PRDM5: variants seen among roughly 807,000 people sequenced by gnomAD.
PRDM5 encodes the protein PR/SET domain 5.
In PRDM5, 56 loss-of-function variants were observed where a neutral mutation model predicts 81.2. The ratio of observed to expected loss-of-function variants is 0.69; its 90% confidence interval spans 0.56 to 0.86. PRDM5 has a LOEUF of 0.86. PRDM5 is among the 40% of genes least tolerant of loss of function. The probability of loss-of-function intolerance (pLI) is 0.00; values close to 1 mark genes in which losing one functional copy is unlikely to be tolerated. For missense variants in PRDM5, 697 were observed against 770.1 expected (o/e 0.91, Z 1.12); for synonymous variants, 267 against 256.4 (o/e 1.04, Z -0.39).
chr4:120,799,115 TAATC>T lies in PRDM5; in HGVS notation c.1030+542_1030+545del, dbSNP rs151132909. On this transcript the variant is annotated intron_variant, in intron 9 of 15. Transcript: ENST00000264808. The stretch of plus-strand genomic sequence containing the variant: ...AAACTATTTTCAGAGCTTATTTTTT[TAATC>T]TGCATTAGTAAAACAGAGCTATTCA... Among the ~76,000 whole-genome samples, 550 of 152,320 alleles carry T rather than the reference TAATC, an allele frequency of 3.6e-3. 2 individuals are homozygous for T. The highest frequency in any genetic ancestry group is 0.013 in the African/African-American group (527 of 41,578).
intron 8 of PRDM5, among the ~76,000 whole-genome samples, chr4:120,804,464 A>G (rs1300780444): frequency 3.3e-5 from 5 of 152,230 alleles, no homozygotes; most frequent in Non-Finnish European, 7.3e-5. Flanking sequence ...AGCACTCCTC[A>G]GCAAATGTAA....
intron 14 of PRDM5, among the ~76,000 whole-genome samples, chr4:120,743,281 A>C (rs1242600012): frequency 6.6e-6 from 1 of 151,496 alleles, no homozygotes. Context: ...TGAAGGAAGC[A>C]CTAAACAAGG....
chr4:120,848,900 T>C (rs1758949026), intron 3 of PRDM5, among the ~76,000 whole-genome samples: 1 of 152,152 alleles, frequency 6.6e-6, no homozygotes, highest in Admixed American at 6.5e-5. Flanking sequence ...AAAAGATAGA[T>C]CTGTAAGTTA....
intron 1 of PRDM5, among the ~76,000 whole-genome samples, chr4:120,911,897 T>C (rs1341467331): frequency 6.6e-6 from 1 of 152,172 alleles, no homozygotes; most frequent in Non-Finnish European, 1.5e-5. Context: ...TAGAGGATAA[T>C]AAGTTATTAT....
At chr4:120,905,535 T>C (rs1765701541) in intron 2 of PRDM5, among the ~76,000 whole-genome samples, 1 of 152,148 alleles carries the variant, frequency 6.6e-6, no homozygotes, top group Non-Finnish European at 1.5e-5. Context: ...ATCCATTTAG[T>C]CACAGCCCTT....
chr4:120,689,600 CTTTT>C (rs68162390), downstream of PRDM5, among the ~76,000 whole-genome samples: 1 of 143,978 alleles, frequency 6.9e-6, no homozygotes. Context: ...TTTCAAAATT[CTTTT>C]TTTTTTTTTT....
chr4:120,699,161 A>AATAT (rs70948358), intron 15 of PRDM5, among the ~76,000 whole-genome samples: 1,054 of 72,982 alleles, frequency 0.014, 13 homozygotes, highest in African/African-American at 0.032. Context: ...AGGAAATATA[A>AATAT]ATATATATAT....
chr4:120,863,191 TAC>T (rs370387683), intron 2 of PRDM5, among the ~76,000 whole-genome samples: 1,193 of 70,160 alleles, frequency 0.017, 60 homozygotes, highest in African/African-American at 0.058. Flanking sequence ...TATATATATA[TAC>T]ACACACACAC....
intron 3 of PRDM5, among the ~76,000 whole-genome samples, chr4:120,851,712 T>C (rs1385902479): frequency 6.6e-6 from 1 of 152,218 alleles, no homozygotes; most frequent in Non-Finnish European, 1.5e-5. Context: ...GTAGTCTAGA[T>C]GACTGTTTGC....
intron 3 of PRDM5, among the ~76,000 whole-genome samples, chr4:120,823,649 G>C (rs1755588926): frequency 6.6e-6 from 1 of 152,120 alleles, no homozygotes; most frequent in Non-Finnish European, 1.5e-5. Context: ...TCATGGTGTT[G>C]TTCTCCTCCC....
chr4:120,913,563 G>A (rs530006878), intron 1 of PRDM5, among the ~76,000 whole-genome samples: 8 of 152,262 alleles, frequency 5.3e-5, no homozygotes, highest in South Asian at 2.1e-4. Flanking sequence ...GAAGAGATGC[G>A]ACAAAAAGAA....
intron 2 of PRDM5, among the ~76,000 whole-genome samples, chr4:120,893,586 A>G (rs1056606645): frequency 6.6e-6 from 1 of 152,194 alleles, no homozygotes; most frequent in Non-Finnish European, 1.5e-5. Flanking sequence ...GTATCTGTCA[A>G]TTAGGTCTTT....
intron 11 of PRDM5, among the ~76,000 whole-genome samples, chr4:120,781,846 C>A (rs578194228): frequency 6.6e-6 from 1 of 152,206 alleles, no homozygotes; most frequent in African/African-American, 2.4e-5. Flanking sequence ...AATGCCCCTG[C>A]TTCCTGGACT....
intron 2 of PRDM5, chr4:120,896,598 T>A (rs1764638797): frequency 6.6e-6 from 1 of 152,038 alleles, no homozygotes; most frequent in African/African-American, 2.4e-5. Flanking sequence ...ATTTCCTCAC[T>A]GGCTTGTTTG....
intron 1 of PRDM5, among the ~76,000 whole-genome samples, chr4:120,909,447 G>C (rs1192561178): frequency 2.0e-5 from 3 of 152,192 alleles, no homozygotes; most frequent in Non-Finnish European, 4.4e-5. Flanking sequence ...TGTGTTTTCT[G>C]TAATAAATGT....
chr4:120,827,813 A>T (rs1756200115), intron 3 of PRDM5, among the ~76,000 whole-genome samples: 1 of 152,104 alleles, frequency 6.6e-6, no homozygotes, highest in African/African-American at 2.4e-5. Context: ...GAACCCGATT[A>T]GGAAGTGCTC....
downstream of PRDM5, among the ~76,000 whole-genome samples, chr4:120,687,825 C>T (rs541202582): frequency 6.6e-6 from 1 of 152,238 alleles, no homozygotes; most frequent in African/African-American, 2.4e-5. Flanking sequence ...CTCTTGTGCC[C>T]TTTCACCTTC....
intron 8 of PRDM5, among the ~76,000 whole-genome samples, chr4:120,802,540 C>T (rs967108115): frequency 1.3e-5 from 2 of 152,230 alleles, no homozygotes; most frequent in African/African-American, 2.4e-5. Context: ...GCAACATTTG[C>T]TATTCAGCAA....
At chr4:120,892,774 G>C (rs1579142573) in intron 2 of PRDM5, among the ~76,000 whole-genome samples, 2 of 152,362 alleles carry the variant, frequency 1.3e-5, no homozygotes, top group East Asian at 1.9e-4. Context: ...GCTAAGTTCA[G>C]ACAGAAGTGG....
Sources: gnomAD v4.1 joint callset for allele counts (sites outside exome capture counted in the v4.1 genomes callset) on GRCh38, gnomAD v4.1.1 for gene constraint, MANE v1.5 for transcripts, NCBI Gene and HGNC (gene_info 2026-07-23, HGNC 2026-07-21) for gene names.